PKD1L1: variants seen among roughly 807,000 people sequenced by gnomAD.
PKD1L1 encodes the protein polycystin 1 like 1, transient receptor potential channel interacting.
Under a neutral mutation model 323.4 loss-of-function variants are expected in PKD1L1, and 236 were observed. The ratio of observed to expected loss-of-function variants is 0.73; its 90% CI spans 0.66 to 0.81. PKD1L1 has a LOEUF of 0.81. Among genes scored for constraint, PKD1L1 ranks in the 40% least tolerant of loss-of-function variants. The probability of loss-of-function intolerance (pLI) is 0.00; values close to 1 mark genes in which losing one functional copy is unlikely to be tolerated. For synonymous variants in PKD1L1, 1,344 were observed against 1,335.0 expected, an observed-to-expected ratio of 1.01 and a Z score of -0.15; for missense variants, 3,320 against 3,508.0, an observed-to-expected ratio of 0.95 and a Z score of 1.35.
intron 3 of PKD1L1, among the ~76,000 whole-genome samples, chr7:47,937,997 C>G (rs1183697926): frequency 1.3e-5 from 2 of 152,056 alleles, no homozygotes; most frequent in Admixed American, 6.5e-5. Context: ...AGCTGGCCAC[C>G]TTGTTTCCTA....
chr7:47,822,893 C>T (rs547245040), intron 45 of PKD1L1, among the ~76,000 whole-genome samples: 71 of 150,362 alleles, frequency 4.7e-4, no homozygotes, highest in Admixed American at 9.9e-4. Flanking sequence ...ATATAATTTA[C>T]TTTTTTATAT....
At chr7:47,892,138 G>A (rs1281469581) in intron 15 of PKD1L1, among the ~76,000 whole-genome samples, 3 of 152,212 alleles carry the variant, frequency 2.0e-5, no homozygotes, top group Admixed American at 6.5e-5. Flanking sequence ...AAGGCTCGAT[G>A]TCAAGGGTGA....
chr7:47,793,119 C>T (rs754997990), intron 55 of PKD1L1, among the ~76,000 whole-genome samples: 8 of 151,884 alleles, frequency 5.3e-5, no homozygotes, highest in Non-Finnish European at 7.4e-5. Flanking sequence ...GTCATTCTTT[C>T]ATCCCTTCGA....
intron 56 of PKD1L1, among the ~76,000 whole-genome samples, chr7:47,781,694 C>A (rs1786701523): frequency 6.6e-6 from 1 of 152,040 alleles, no homozygotes; most frequent in South Asian, 2.1e-4. Flanking sequence ...CAGGTGTGAG[C>A]CACCACACCA....
intron 28 of PKD1L1, 135 bp from the exon 29 acceptor site, chr7:47,855,400 T>C: frequency 1.8e-6 from 1 of 570,948 alleles, no homozygotes; most frequent in Non-Finnish European, 3.0e-6. Flanking sequence ...GAAGCTAGCA[T>C]ACAAAAATAA....
Position 47,929,429 on chromosome 7 carries a change from C to G in PKD1L1, c.835G>C (p.Val279Leu). The part of the protein sequence containing the change: ...ILYPPTQHPP[V>L]AILARNSDNF... ...TCAGAATTTCGAGCTAGGATGGCCA[C>G]AGGAGGATGCTGAGTAGGGGGATAG... is the stretch of plus-strand genomic sequence containing the variant. Residue 279 changes from valine (V) to leucine (L), a missense_variant, in exon 7 of 57, where the codon GTG (valine) becomes CTG (leucine). Physicochemically the swap from Val to Leu is conservative, Grantham distance 32. Transcript: ENST00000289672. The G allele has an allele frequency of 6.2e-7, 1 of 1,614,092 alleles. No homozygotes were observed. The highest frequency in any genetic ancestry group is 8.5e-7 in the Non-Finnish European group (1 of 1,179,972).
Position 47,866,427 on chromosome 7 carries a change from C to T in PKD1L1, c.4084G>A (p.Val1362Ile). 6.2e-7 allele frequency: 1 copy of T among 1,612,670 alleles called. No homozygotes were observed. The stretch of plus-strand genomic sequence containing the variant: ...CCTCCTCTGAGCCATACCTGATCTA[C>T]AAAAGCCAATCTGCATACTGAAGAA... ...LISSVCRLAF[V>I]DQEEMIGSVL... Residue 1362 changes from valine (V) to isoleucine (I), a missense_variant, in exon 25 of 57, where the codon GTA (valine) becomes ATA (isoleucine). Val to Ile is a conservative substitution (Grantham distance 29, BLOSUM62 3). Transcript: ENST00000289672.
intron 52 of PKD1L1, among the ~76,000 whole-genome samples, chr7:47,803,629 G>A (rs1001982207): frequency 3.3e-5 from 5 of 152,104 alleles, no homozygotes; most frequent in Non-Finnish European, 7.4e-5. Context: ...ACACACAGAT[G>A]GGACTCTGTC....
At position 47,834,933 on chromosome 7, in the gene PKD1L1, C is replaced by T. The variant is rs375512085; in HGVS notation, c.6127+34G>A. ...GATTGGTGCAAAAGGCTCAGCCCCA[C>T]GGAGAGTTTCTGAGAGTTTTAATGT... On this transcript the variant is annotated intron_variant, in intron 39 of 56. Coordinates refer to ENST00000289672, the MANE Select transcript of PKD1L1 (RefSeq NM_138295.5). 10 of 1,589,366 alleles carry T rather than the reference C, an allele frequency of 6.3e-6. No individual in the cohort carries two copies. The African/African-American group carries it at 9.4e-5, about 15-fold the overall frequency.
intron 7 of PKD1L1, among the ~76,000 whole-genome samples, chr7:47,919,581 A>G (rs1345157319): frequency 2.0e-5 from 3 of 152,144 alleles, no homozygotes; most frequent in African/African-American, 7.2e-5. Context: ...AAAGAAAACT[A>G]CAGACCAATA....
chr7:47,883,034 G>T (rs1193359283), intron 19 of PKD1L1, among the ~76,000 whole-genome samples: 1 of 152,190 alleles, frequency 6.6e-6, no homozygotes, highest in Non-Finnish European at 1.5e-5. Context: ...CACAAATGTT[G>T]TAAGGAGGAA....
intron 56 of PKD1L1, among the ~76,000 whole-genome samples, chr7:47,788,466 C>T (rs572781848): frequency 1.3e-5 from 2 of 150,270 alleles, no homozygotes; most frequent in African/African-American, 4.8e-5. Context: ...TTTTGTTGGC[C>T]AGGCTGGTCT....
chr7:47,943,018 C>T (rs1053677750), intron 2 of PKD1L1, among the ~76,000 whole-genome samples: 105 of 151,690 alleles, frequency 6.9e-4, no homozygotes, highest in African/African-American at 2.3e-3. Flanking sequence ...TGGTGGCGGA[C>T]GCCTGTAGTC....
At chr7:47,878,272 C>T (rs746261020) in intron 21 of PKD1L1, among the ~76,000 whole-genome samples, 16 of 152,278 alleles carry the variant, frequency 1.1e-4, no homozygotes, top group South Asian at 6.2e-4. Context: ...TACCCTAATA[C>T]GCACAATTAT....
chr7:47,905,055 G>A, intron 11 of PKD1L1, 102 bp downstream of exon 11: 3 of 1,295,696 alleles, frequency 2.3e-6, no homozygotes, highest in Non-Finnish European at 3.2e-6. Context: ...TAATACAAAT[G>A]CAACAGCCAT....
intron 16 of PKD1L1, among the ~76,000 whole-genome samples, chr7:47,890,271 T>C (rs971088885): frequency 1.3e-5 from 2 of 152,112 alleles, no homozygotes; most frequent in African/African-American, 4.8e-5. Flanking sequence ...GATGGGAGGG[T>C]TCCCGATGAG....
chr7:47,912,369 T>C (rs1177672761), intron 8 of PKD1L1, among the ~76,000 whole-genome samples: 2 of 152,138 alleles, frequency 1.3e-5, no homozygotes, highest in Non-Finnish European at 2.9e-5. Context: ...AAAGCTGACA[T>C]ATTGGAATAG....
intron 25 of PKD1L1, among the ~76,000 whole-genome samples, chr7:47,866,179 G>A (rs1362016471): frequency 6.6e-6 from 1 of 152,200 alleles, no homozygotes; most frequent in Non-Finnish European, 1.5e-5. Context: ...AGAATTATCT[G>A]TAACAACGAT....
chr7:47,860,074 A>G (rs184390972), intron 26 of PKD1L1, among the ~76,000 whole-genome samples: 3 of 152,386 alleles, frequency 2.0e-5, no homozygotes, highest in East Asian at 3.9e-4. Context: ...CTTTAAAAAA[A>G]TATTTAGAAG....
Sources: allele counts gnomAD v4.1 joint callset (sites outside exome capture counted in the v4.1 genomes callset), GRCh38; gene constraint gnomAD v4.1.1; transcripts MANE v1.5; gene names NCBI Gene and HGNC (gene_info 2026-07-23, HGNC 2026-07-21).